The following GRID2 variants were observed in gnomAD, a reference collection of about 807,000 sequenced individuals.
The protein encoded by GRID2 is glutamate receptor ionotropic, delta-2.
GRID2 carries 33 observed loss-of-function variants against 114.8 expected under a neutral mutation model. That is an observed-to-expected ratio of 0.29 (90% CI 0.22 to 0.38). The LOEUF is 0.38. Among genes scored for constraint, GRID2 ranks in the 10% least tolerant of loss-of-function variants. GRID2 has a pLI of 1.00. For synonymous variants in GRID2, 505 were observed against 449.9 expected, an observed-to-expected ratio of 1.12 and a Z score of -1.55; for missense variants, 1,184 against 1,257.7, an observed-to-expected ratio of 0.94 and a Z score of 0.89.
chr4:93,469,367 T>C (rs936000482), intron 11 of GRID2, among the ~76,000 whole-genome samples: 8 of 152,042 alleles, frequency 5.3e-5, no homozygotes, highest in Admixed American at 6.6e-5. Flanking sequence ...AATCTACTAA[T>C]AATGCCTTTC....
At chr4:93,049,634 GT>G (rs1336635578) in intron 2 of GRID2, among the ~76,000 whole-genome samples, 1 of 151,546 alleles carries the variant, frequency 6.6e-6, no homozygotes, top group Non-Finnish European at 1.5e-5. Context: ...AGAAAACAGT[GT>G]TTTTTTGGAA....
At chr4:92,781,371 A>G (rs758681307) in intron 2 of GRID2, among the ~76,000 whole-genome samples, 8 of 152,200 alleles carry the variant, frequency 5.3e-5, no homozygotes, top group Non-Finnish European at 1.2e-4. Context: ...GTGTGGATAC[A>G]AATCATTAAT....
intron 1 of GRID2, among the ~76,000 whole-genome samples, chr4:92,560,200 GCTGGATTCATAGTGTGGC>G (rs1727043967): frequency 6.6e-6 from 1 of 152,144 alleles, no homozygotes; most frequent in South Asian, 2.1e-4. Flanking sequence ...ATGAGATGCA[GCTGGATTCATAGTGTGGC>G]CTGATAGTAA....
At position 93,785,603 on chromosome 4, in the gene GRID2, C is replaced by T. The variant is rs553586428; in HGVS notation, c.221+16153C>T. ...GCAGGCCTTGTAATGCTTCATTAAC[C>T]GTGATAAAGAATTTAATACAAATTC... On this transcript the variant is annotated intron_variant, in intron 1 of 1. Transcript: ENST00000637838. Among the ~76,000 whole-genome samples the T allele has an allele frequency of 3.3e-5, 5 of 152,068 alleles. No individual in the cohort carries two copies. The Middle Eastern group carries it at 0.01, about 312-fold the overall frequency.
intron 12 of GRID2, among the ~76,000 whole-genome samples, chr4:93,514,260 C>T (rs1199578741): frequency 1.3e-5 from 2 of 151,936 alleles, no homozygotes; most frequent in African/African-American, 2.4e-5. Context: ...GGGAAATCGA[C>T]CACCAATTTA....
intron 15 of GRID2, 50 bp from the exon 16 acceptor site, chr4:93,772,026 A>G (rs1428559250): frequency 2.7e-6 from 3 of 1,108,672 alleles, no homozygotes; most frequent in Non-Finnish European, 2.6e-6. Flanking sequence ...TTTTTTAACC[A>G]TCAAAGCTAG....
At chr4:93,186,248 GT>G (rs1348481368) in intron 4 of GRID2, among the ~76,000 whole-genome samples, 1 of 152,096 alleles carries the variant, frequency 6.6e-6, no homozygotes, top group African/African-American at 2.4e-5. Context: ...ATATACTTGG[GT>G]ATATACCCAG....
chr4:92,632,130 T>G (rs1197826033), intron 2 of GRID2, among the ~76,000 whole-genome samples: 1 of 152,162 alleles, frequency 6.6e-6, no homozygotes. Flanking sequence ...TTTGAAGACT[T>G]TGCGCTTTAA....
At chr4:93,350,795 T>C (rs974961673) in intron 8 of GRID2, among the ~76,000 whole-genome samples, 1 of 152,096 alleles carries the variant, frequency 6.6e-6, no homozygotes, top group Non-Finnish European at 1.5e-5. Flanking sequence ...GAAATAATTG[T>C]AACCTTAAAA....
At chr4:92,824,243 T>C (rs901734917) in intron 2 of GRID2, among the ~76,000 whole-genome samples, 29 of 152,280 alleles carry the variant, frequency 1.9e-4, no homozygotes, top group Admixed American at 5.2e-4. Flanking sequence ...ATTAGGTTCT[T>C]ATATTTGTTG....
intron 12 of GRID2, among the ~76,000 whole-genome samples, chr4:93,507,713 A>C (rs1285414228): frequency 6.6e-6 from 1 of 152,224 alleles, no homozygotes; most frequent in Non-Finnish European, 1.5e-5. Flanking sequence ...TTTCAAGAGC[A>C]AATATTCTAC....
At chr4:93,494,134 A>G (rs1259978093) in intron 12 of GRID2, among the ~76,000 whole-genome samples, 3 of 151,872 alleles carry the variant, frequency 2.0e-5, no homozygotes, top group African/African-American at 7.2e-5. Context: ...TTTTCTTAGA[A>G]AAGACAAACT....
intron 13 of GRID2, among the ~76,000 whole-genome samples, chr4:93,534,039 TCACTGG>T (rs1731772405): frequency 6.6e-6 from 1 of 152,076 alleles, no homozygotes; most frequent in Non-Finnish European, 1.5e-5. Flanking sequence ...ACTCCCCTTT[TCACTGG>T]CTGTTTTCTG....
At chr4:93,146,537 T>G (rs1736276322) in intron 4 of GRID2, among the ~76,000 whole-genome samples, 1 of 151,714 alleles carries the variant, frequency 6.6e-6, no homozygotes. Flanking sequence ...GCACAAAGAG[T>G]GATAATGCAT....
chr4:93,787,520 TC>T (rs1324924316), intron 1 of GRID2, among the ~76,000 whole-genome samples: 1 of 152,180 alleles, frequency 6.6e-6, no homozygotes. Context: ...AAAGTTGAGA[TC>T]CTTTCCCCTA....
intron 3 of GRID2, among the ~76,000 whole-genome samples, chr4:93,104,769 C>T (rs929270974): frequency 5.9e-5 from 9 of 152,186 alleles, no homozygotes; most frequent in South Asian, 2.1e-4. Context: ...GATAAACATA[C>T]GTGTGCATGT....
At chr4:93,402,647 G>C (rs1055186984) in intron 9 of GRID2, among the ~76,000 whole-genome samples, 1 of 151,884 alleles carries the variant, frequency 6.6e-6, no homozygotes, top group Admixed American at 6.6e-5. Context: ...AGGACCACAG[G>C]AACTCTTCTG....
intron 1 of GRID2, among the ~76,000 whole-genome samples, chr4:93,806,088 C>T (rs998286001): frequency 6.6e-6 from 1 of 151,784 alleles, no homozygotes; most frequent in African/African-American, 2.4e-5. Flanking sequence ...GAAAGCAAGA[C>T]TCCAGAAAAA....
At chr4:93,353,657 T>TA (rs946377566) in intron 8 of GRID2, among the ~76,000 whole-genome samples, 1 of 151,948 alleles carries the variant, frequency 6.6e-6, no homozygotes, top group African/African-American at 2.4e-5. Flanking sequence ...TATAGACACC[T>TA]AAAAAAATTG....
Sources: gnomAD v4.1 joint callset for allele counts (sites outside exome capture counted in the v4.1 genomes callset) on GRCh38, gnomAD v4.1.1 for gene constraint, MANE v1.5 for transcripts, NCBI Gene and HGNC (gene_info 2026-07-23, HGNC 2026-07-21) for gene names.